Variants in LAMA2 observed in about 807,000 individuals in gnomAD.
LAMA2 encodes the protein laminin subunit alpha 2.
LAMA2 carries 269 observed loss-of-function variants against 364.8 expected under a neutral mutation model. The ratio of observed to expected loss-of-function variants is 0.74; its 90% CI spans 0.67 to 0.82. LAMA2 has a LOEUF of 0.82. Ranked by LOEUF, LAMA2 falls within the 40% of genes least tolerant of loss-of-function variation. The pLI is 0.00. For missense variants in LAMA2, 3,807 were observed against 3,873.2 expected (o/e 0.98, Z 0.45); for synonymous variants, 1,379 against 1,370.6 (o/e 1.01, Z -0.14).
At chr6:128,929,580 G>C (rs546010527) in intron 1 of LAMA2, 2 of 1,189,316 alleles carry the variant, frequency 1.7e-6, no homozygotes, top group African/African-American at 1.5e-5. Context: ...TGATCCTGCA[G>C]TTCTGGAGCC....
At chr6:129,265,327 G>T (rs1326652980) in intron 15 of LAMA2, among the ~76,000 whole-genome samples, 1 of 152,140 alleles carries the variant, frequency 6.6e-6, no homozygotes, top group Non-Finnish European at 1.5e-5. Context: ...GTAAGGAGTT[G>T]GGAAGTTTGA....
intron 8 of LAMA2, among the ~76,000 whole-genome samples, chr6:129,164,124 T>G (rs559084993): frequency 2.8e-4 from 43 of 152,278 alleles, no homozygotes; most frequent in African/African-American, 1.0e-3. Context: ...GGAACCCCAG[T>G]TGATACCTGA....
At chr6:129,283,040 G>A (rs1485899980) in intron 18 of LAMA2, among the ~76,000 whole-genome samples, 1 of 152,060 alleles carries the variant, frequency 6.6e-6, no homozygotes, top group African/African-American at 2.4e-5. Context: ...GTCACAAGTT[G>A]AACACTAGTT....
At chr6:128,935,228 C>G (rs6910290) in intron 1 of LAMA2, among the ~76,000 whole-genome samples, 3 of 147,304 alleles carry the variant, frequency 2.0e-5, no homozygotes, top group South Asian at 4.4e-4. Context: ...CACACCCCCC[C>G]CAACAGACCC....
At chr6:129,175,298 C>G (rs546957679) in intron 9 of LAMA2, among the ~76,000 whole-genome samples, 1 of 152,322 alleles carries the variant, frequency 6.6e-6, no homozygotes, top group African/African-American at 2.4e-5. Context: ...CTTAATTTCT[C>G]CATGCCTTAG....
At chr6:129,011,778 T>C (rs1481171785) in intron 1 of LAMA2, among the ~76,000 whole-genome samples, 1 of 152,204 alleles carries the variant, frequency 6.6e-6, no homozygotes, top group South Asian at 2.1e-4. Flanking sequence ...AAAACTATTT[T>C]TGGTAGTTTT....
chr6:129,171,191 T>C (rs1780125812), intron 9 of LAMA2, among the ~76,000 whole-genome samples: 1 of 152,012 alleles, frequency 6.6e-6, no homozygotes, highest in Non-Finnish European at 1.5e-5. Flanking sequence ...GTTAATATTG[T>C]TATGTGTGAA....
intron 12 of LAMA2, among the ~76,000 whole-genome samples, chr6:129,209,764 G>T (rs770617984): frequency 6.6e-6 from 1 of 152,092 alleles, no homozygotes; most frequent in African/African-American, 2.4e-5. Flanking sequence ...AGCACTTTGG[G>T]AGGCTGAGGC....
chr6:129,398,284 A>G (rs1779769487), intron 37 of LAMA2, among the ~76,000 whole-genome samples: 1 of 152,108 alleles, frequency 6.6e-6, no homozygotes, highest in South Asian at 2.1e-4. Flanking sequence ...GGAAGATAAG[A>G]TATGACTTGT....
intron 10 of LAMA2, among the ~76,000 whole-genome samples, chr6:129,181,555 A>C (rs1367097232): frequency 6.6e-6 from 1 of 152,018 alleles, no homozygotes; most frequent in Non-Finnish European, 1.5e-5. Flanking sequence ...GAAATGAAAA[A>C]AATATGCAGT....
At chr6:128,883,786 TTATA>T (rs142294175) in intron 1 of LAMA2, among the ~76,000 whole-genome samples, 1,435 of 133,606 alleles carry the variant, frequency 0.011, 31 homozygotes, top group African/African-American at 0.035. Flanking sequence ...CAAAAAAAAA[TTATA>T]TATATATATA....
chr6:128,909,916 G>C (rs1185881905), intron 1 of LAMA2, among the ~76,000 whole-genome samples: 1 of 151,528 alleles, frequency 6.6e-6, no homozygotes, highest in African/African-American at 2.4e-5. Context: ...GGCTGGATAT[G>C]AAATTCTGGG....
chr6:129,223,463 T>C (rs1333328043), intron 12 of LAMA2, among the ~76,000 whole-genome samples: 2 of 152,266 alleles, frequency 1.3e-5, no homozygotes, highest in African/African-American at 2.4e-5. Context: ...TTCTAGGGTT[T>C]TTATGGTTTT....
intron 40 of LAMA2, among the ~76,000 whole-genome samples, chr6:129,427,201 C>A (rs954367591): frequency 6.6e-6 from 1 of 152,216 alleles, no homozygotes; most frequent in Admixed American, 6.5e-5. Context: ...TTTTGCCATA[C>A]CGCTTTAAGA....
chr6:129,172,344 T>C (rs966687361), intron 9 of LAMA2, among the ~76,000 whole-genome samples: 1 of 152,208 alleles, frequency 6.6e-6, no homozygotes, highest in Non-Finnish European at 1.5e-5. Context: ...GATGTACAGA[T>C]GGGTTTTTCG....
intron 62 of LAMA2, among the ~76,000 whole-genome samples, chr6:129,508,267 T>C (rs1786270569): frequency 1.3e-5 from 2 of 152,236 alleles, no homozygotes; most frequent in Admixed American, 1.3e-4. Context: ...TGGGTGTATA[T>C]ATTTATGGGT....
At chr6:129,076,430 A>G (rs1290838934) in intron 3 of LAMA2, among the ~76,000 whole-genome samples, 1 of 144,826 alleles carries the variant, frequency 6.9e-6, no homozygotes, top group African/African-American at 2.5e-5. Flanking sequence ...GTGTATATAT[A>G]TATAAATATA....
intron 1 of LAMA2, among the ~76,000 whole-genome samples, chr6:128,961,744 AC>A (rs1245250044): frequency 6.6e-6 from 1 of 151,926 alleles, no homozygotes; most frequent in Non-Finnish European, 1.5e-5. Context: ...CCTCACAGAT[AC>A]ACCCACGATC....
intron 58 of LAMA2, among the ~76,000 whole-genome samples, chr6:129,501,103 C>T (rs904925877): frequency 4.6e-5 from 7 of 152,114 alleles, no homozygotes; most frequent in Non-Finnish European, 8.8e-5. Context: ...CTGCAAGCTG[C>T]GTGTGTTTAT....
Sources: allele counts gnomAD v4.1 joint callset (sites outside exome capture counted in the v4.1 genomes callset), GRCh38; gene constraint gnomAD v4.1.1; transcripts MANE v1.5; gene names NCBI Gene and HGNC (gene_info 2026-07-23, HGNC 2026-07-21).